The following SYNPR variants were observed in gnomAD, a reference collection of about 807,000 sequenced individuals.
SYNPR encodes the protein synaptoporin.
In SYNPR, 23 loss-of-function variants were observed where a neutral mutation model predicts 32.9. The observed-to-expected ratio is 0.70, with a 90% CI of 0.50 to 0.99. The LOEUF (loss-of-function observed/expected upper bound fraction) is 0.99. SYNPR is among the 50% of genes least tolerant of loss of function. The pLI, the probability that SYNPR is intolerant of heterozygous loss-of-function variation, is 0.00. For synonymous variants in SYNPR, 146 were observed against 135.9 expected (o/e 1.07, Z -0.52); for missense variants, 318 against 349.3 (o/e 0.91, Z 0.71).
chr3:63,293,121 C>T (rs72880154), intron 2 of SYNPR, among the ~76,000 whole-genome samples: 127 of 152,246 alleles, frequency 8.3e-4, no homozygotes, highest in African/African-American at 3.0e-3. Context: ...TGCTACATGC[C>T]AGGCTGTACC....
intron 2 of SYNPR, among the ~76,000 whole-genome samples, chr3:63,338,737 C>A (rs2087325610): frequency 6.6e-6 from 1 of 152,206 alleles, no homozygotes; most frequent in African/African-American, 2.4e-5. Flanking sequence ...TGAACACATA[C>A]TCTAGAGACA....
At chr3:63,496,892 C>T (rs182510749) in intron 3 of SYNPR, among the ~76,000 whole-genome samples, 1 of 152,168 alleles carries the variant, frequency 6.6e-6, no homozygotes, top group East Asian at 1.9e-4. Context: ...TGGTACCAGG[C>T]ACTATGCTTG....
At chr3:63,282,388 A>C (rs1287870248) in intron 2 of SYNPR, among the ~76,000 whole-genome samples, 1 of 152,232 alleles carries the variant, frequency 6.6e-6, no homozygotes, top group Non-Finnish European at 1.5e-5. Context: ...CCATATCAAC[A>C]AGATATGCTA....
chr3:63,419,141 G>A (rs917734155), intron 2 of SYNPR, among the ~76,000 whole-genome samples: 8 of 152,186 alleles, frequency 5.3e-5, no homozygotes, highest in Admixed American at 4.6e-4. Context: ...GTCACAGCCT[G>A]TTCCTTGAAG....
At chr3:63,440,956 C>T (rs1700159157) in intron 2 of SYNPR, among the ~76,000 whole-genome samples, 1 of 152,204 alleles carries the variant, frequency 6.6e-6, no homozygotes, top group African/African-American at 2.4e-5. Flanking sequence ...CGAGAAGTTA[C>T]TGCAGGGTCC....
intron 2 of SYNPR, among the ~76,000 whole-genome samples, chr3:63,338,117 G>A (rs1337113434): frequency 6.6e-6 from 1 of 152,158 alleles, no homozygotes; most frequent in Admixed American, 6.5e-5. Flanking sequence ...GGATGGGAGT[G>A]GGGTAGTATA....
At chr3:63,571,897 T>G (rs999690040) in intron 4 of SYNPR, among the ~76,000 whole-genome samples, 1 of 152,180 alleles carries the variant, frequency 6.6e-6, no homozygotes, top group Non-Finnish European at 1.5e-5. Flanking sequence ...ATCAGTTTCC[T>G]GTCCAGCAAA....
chr3:63,587,814 T>A (rs141895689), intron 4 of SYNPR, among the ~76,000 whole-genome samples: 142 of 152,216 alleles, frequency 9.3e-4, no homozygotes, highest in Middle Eastern at 3.4e-3. Context: ...GGTGCAATCA[T>A]AGCACACTAT....
chr3:63,258,902 T>A lies in SYNPR; in HGVS notation n.154+6316T>A, dbSNP rs192489535. Among the ~76,000 whole-genome samples, 644 of 152,226 alleles carry A rather than the reference T, an allele frequency of 4.2e-3. 3 individuals carry two copies. The highest frequency in any genetic ancestry group is 0.014 in the African/African-American group (586 of 41,518). On this transcript the variant is annotated intron_variant and non_coding_transcript_variant, in intron 2 of 4. Coordinates refer to the SYNPR transcript ENST00000478456. Reference sequence around the variant, plus strand: ...ATGATAAAGGGGATATCACCACTGATCTCACAGAAATACAAACTACCATCA... The same window carrying A: ...ATGATAAAGGGGATATCACCACTGAACTCACAGAAATACAAACTACCATCA...
rs147010423 is a variant in SYNPR, at chr3:63,567,229, G to A, written c.408+10488G>A. Among the ~76,000 whole-genome samples, 1,381 of 151,962 alleles carry A rather than the reference G, an allele frequency of 9.1e-3. 15 individuals are homozygous for A. The highest frequency in any genetic ancestry group is 0.031 in the Middle Eastern group (9 of 286). Reference sequence around the variant, plus strand: ...GATCTCATGGTTTAGGGAAAGAGGGGAGAGAGCACTACCCCATTAAATCAG... The same window carrying A: ...GATCTCATGGTTTAGGGAAAGAGGGAAGAGAGCACTACCCCATTAAATCAG... On this transcript the variant is annotated intron_variant, in intron 4 of 5. Coordinates refer to ENST00000478300, the MANE Select transcript of SYNPR (RefSeq NM_001130003.2).
chr3:63,250,519 C>T (rs148545906), intron 1 of SYNPR, among the ~76,000 whole-genome samples: 20 of 152,130 alleles, frequency 1.3e-4, no homozygotes, highest in Non-Finnish European at 2.1e-4. Flanking sequence ...AGAGCTCTTA[C>T]GAGTCCCAGT....
chr3:63,297,577 G>T (rs1287152846), intron 2 of SYNPR, among the ~76,000 whole-genome samples: 2 of 152,152 alleles, frequency 1.3e-5, no homozygotes, highest in East Asian at 3.9e-4. Context: ...GTGATACAAA[G>T]AAATAGTTTC....
intron 3 of SYNPR, among the ~76,000 whole-genome samples, chr3:63,540,164 C>A (rs926492759): frequency 1.3e-5 from 2 of 152,032 alleles, no homozygotes; most frequent in Admixed American, 6.6e-5. Context: ...TTACAGACAC[C>A]TTATTATTTT....
chr3:63,556,833 G>A (rs1702603537), intron 4 of SYNPR, 92 bp downstream of exon 4: 5 of 1,235,188 alleles, frequency 4.0e-6, no homozygotes, highest in Non-Finnish European at 5.5e-6. Flanking sequence ...TGAGCCCTCG[G>A]GTTAGGTGTT....
At chr3:63,412,295 G>T (rs1188406299) in intron 2 of SYNPR, among the ~76,000 whole-genome samples, 6 of 152,144 alleles carry the variant, frequency 3.9e-5, no homozygotes. Flanking sequence ...AGGGTCTGAA[G>T]TTTCAGGAAG....
chr3:63,543,138 C>A (rs2106807587), intron 3 of SYNPR, among the ~76,000 whole-genome samples: 1 of 152,138 alleles, frequency 6.6e-6, no homozygotes, highest in South Asian at 2.1e-4. Flanking sequence ...CATCATCTAG[C>A]TTCTGTAAAA....
intron 4 of SYNPR, among the ~76,000 whole-genome samples, chr3:63,578,815 A>T (rs1703038472): frequency 6.6e-6 from 1 of 152,140 alleles, no homozygotes; most frequent in Non-Finnish European, 1.5e-5. Context: ...GAACTTGTAG[A>T]GTTCAGCAAG....
At chr3:63,239,027 G>A (rs900641315) in intron 1 of SYNPR, among the ~76,000 whole-genome samples, 1 of 152,028 alleles carries the variant, frequency 6.6e-6, no homozygotes, top group African/African-American at 2.4e-5. Context: ...ATATTATTTT[G>A]GATAATGAAA....
chr3:63,233,904 C>T (rs1322028596), intron 1 of SYNPR, among the ~76,000 whole-genome samples: 5 of 152,088 alleles, frequency 3.3e-5, no homozygotes, highest in Non-Finnish European at 5.9e-5. Flanking sequence ...CCTTCTTTAC[C>T]TAAGTTTAGA....
Sources: allele counts gnomAD v4.1 joint callset (sites outside exome capture counted in the v4.1 genomes callset), GRCh38; gene constraint gnomAD v4.1.1; transcripts MANE v1.5; gene names NCBI Gene and HGNC (gene_info 2026-07-23, HGNC 2026-07-21).